The following HSPA4L variants were observed in gnomAD, a reference collection of about 807,000 sequenced individuals.
HSPA4L encodes heat shock 70 kDa protein 4L.
In HSPA4L, 48 loss-of-function variants were observed where a neutral mutation model predicts 100.3. The ratio of observed to expected loss-of-function variants is 0.48; its 90% CI spans 0.38 to 0.61. The LOEUF (loss-of-function observed/expected upper bound fraction) is 0.61. HSPA4L is among the 20% of genes least tolerant of loss of function. The pLI is 0.00. For missense variants in HSPA4L, 886 were observed against 988.6 expected, an observed-to-expected ratio of 0.90 and a Z score of 1.39; for synonymous variants, 319 against 328.2, an observed-to-expected ratio of 0.97 and a Z score of 0.30.
intron 16 of HSPA4L, among the ~76,000 whole-genome samples, chr4:127,824,167 C>T (rs1038991688): frequency 2.0e-5 from 3 of 152,152 alleles, no homozygotes; most frequent in Non-Finnish European, 4.4e-5. Context: ...TCTCAAATGA[C>T]AGGATTTACT....
At chr4:127,822,620 A>G (rs1298770693) in intron 14 of HSPA4L, 149 bp from the exon 15 acceptor site, 4 of 714,840 alleles carry the variant, frequency 5.6e-6, no homozygotes, top group Admixed American at 3.2e-5. Context: ...TCAGCAATGT[A>G]CAAGGGTTTC....
At chr4:127,788,323 A>G (rs1471973278) in intron 1 of HSPA4L, among the ~76,000 whole-genome samples, 1 of 152,210 alleles carries the variant, frequency 6.6e-6, no homozygotes, top group African/African-American at 2.4e-5. Context: ...AAGCTTTGTT[A>G]TTACTAAATC....
chr4:127,809,524 A>G, intron 11 of HSPA4L: 1 of 838,064 alleles, frequency 1.2e-6, no homozygotes, highest in Non-Finnish European at 2.1e-6. Flanking sequence ...TCAAATGCCA[A>G]AGCTACTGTC....
rs1012776673 is a variant in HSPA4L, at chr4:127,803,827, A to G, written c.862A>G (p.Ile288Val). ...AAATGCATCAGATCTTCCATTGAAC[A>G]TTGAGTGTTTCATGAATGACCTTGA... ...SANASDLPLN[I>V]ECFMNDLDVS... The change falls in exon 7 of 19, where the codon ATT becomes GTT. Residue 288 changes from isoleucine (I) to valine (V), a missense_variant. Coordinates refer to ENST00000296464, the MANE Select transcript of HSPA4L (RefSeq NM_014278.4). 3.1e-6 allele frequency: 5 copies of G among 1,613,842 alleles called. No homozygotes were observed. In the African/African-American group the frequency reaches 4.0e-5, roughly 13 times the overall value.
rs1279318895 is a variant in HSPA4L, at chr4:127,813,399, A to T, written c.1578+1763A>T. 8 of 499,826 alleles carry T rather than the reference A, an allele frequency of 1.6e-5. No homozygotes were observed. The South Asian group carries it at 2.5e-4, about 16-fold the overall frequency. 31.0% of individuals were successfully genotyped at this position (499,826 alleles called of 1,614,324 possible). A position where few individuals can be genotyped will look rare whatever the true frequency, so the allele number is the denominator to read the frequency against. On this transcript the variant is annotated intron_variant, in intron 12 of 18. Transcript: ENST00000296464. ...TTAAGGACTGTGGCTTTTTCTTTCA[A>T]TCTTTCCATGTATCATTTTGTAATC...
Position 127,809,280 on chromosome 4 carries a change from C to G in HSPA4L, c.1378+1151C>G, listed in dbSNP as rs150859286. ...GCAGAACCAGTCTTCAACAAATCATCCTGGAGCTAGCATTGCACTCTCGAG... is the reference window on the plus strand; with the variant it reads ...GCAGAACCAGTCTTCAACAAATCATGCTGGAGCTAGCATTGCACTCTCGAG... On this transcript the variant is annotated intron_variant, in intron 11 of 18. Transcript: ENST00000296464. 888 of 1,352,996 alleles carry G rather than the reference C, an allele frequency of 6.6e-4. 5 individuals are homozygous for G. The Middle Eastern group carries it at 8.5e-3, about 13-fold the overall frequency. The allele number at this position is 1,352,996 out of a possible 1,614,324, so 83.8% of individuals were successfully genotyped here.
At position 127,832,741 on chromosome 4, in the gene HSPA4L, C is replaced by T. The variant is rs1013879626; in HGVS notation, c.2387C>T (p.Pro796Leu). 2 of 1,613,206 alleles carry T rather than the reference C, an allele frequency of 1.2e-6. No homozygotes were observed. Among genetic ancestry groups the T allele is most frequent in the Admixed American group, 3.3e-5 (2 of 59,942 alleles). The change falls in exon 19 of 19, where the codon CCT becomes CTT. Residue 796 changes from proline to leucine, a missense_variant. Transcript: ENST00000296464. ...AAGCCCAAACCAAAAGCAGAAGTTC[C>T]TGAAGACAAACCAAAAGCTAATAGT... The part of the protein sequence containing the change: ...IYKPKPKAEV[P>L]EDKPKANSEH...
chr4:127,805,775 C>G lies in HSPA4L; in HGVS notation c.1226C>G (p.Ser409Cys), dbSNP rs1190377514. The G allele has an allele frequency of 1.2e-6, 2 of 1,607,432 alleles. No individual in the cohort carries two copies. Among genetic ancestry groups the G allele is most frequent in the African/African-American group, 1.3e-5 (1 of 74,766 alleles). Residue 409 changes from serine to cysteine, a missense_variant, in exon 10 of 19, where the codon TCT becomes TGT. By Grantham distance (112) the Ser-to-Cys change is moderately radical (BLOSUM62 -1). Coordinates refer to ENST00000296464, the MANE Select transcript of HSPA4L (RefSeq NM_014278.4). ...TCAATCACATTAAGGTGGAAGACCT[C>G]TTTTGAAGATGGAAGTGGGTAAGTT... is the stretch of plus-strand genomic sequence containing the variant. ...PYSITLRWKTSFEDGSGECEV... is the reference protein window; with the variant it reads ...PYSITLRWKTCFEDGSGECEV...
At chr4:127,830,312 G>A (rs1463295994) in intron 17 of HSPA4L, among the ~76,000 whole-genome samples, 2 of 152,052 alleles carry the variant, frequency 1.3e-5, no homozygotes, top group Non-Finnish European at 2.9e-5. Context: ...TTTGCTATAT[G>A]CCTTGTTCAC....
intron 13 of HSPA4L, 68 bp from the exon 14 acceptor site, chr4:127,820,360 C>CT (rs774661518): frequency 7.6e-7 from 1 of 1,320,562 alleles, no homozygotes; most frequent in Non-Finnish European, 1.0e-6. Flanking sequence ...ATTTTACTTT[C>CT]TGTTTTACCT....
rs1734220856 is a variant in HSPA4L at position 127,836,724 on chromosome 4, T to G, written c.*3850T>G. 6.6e-6 allele frequency: 1 copy of G among 152,096 alleles called. No individual in the cohort carries two copies. The highest frequency in any genetic ancestry group is 1.5e-5 in the Non-Finnish European group (1 of 68,028). 9.4% of individuals were successfully genotyped at this position (152,096 alleles called of 1,614,324 possible). On this transcript the variant is annotated 3_prime_UTR_variant, in exon 19 of 19. Transcript: ENST00000296464. The stretch of plus-strand genomic sequence containing the variant: ...GAATATAGTAATCAAATTAACTGAT[T>G]TTGTTTTCACCCTAAATACATACAA...
chr4:127,816,550 C>A (rs946978151), intron 12 of HSPA4L, among the ~76,000 whole-genome samples: 3 of 151,864 alleles, frequency 2.0e-5, no homozygotes, highest in Admixed American at 6.6e-5. Context: ...GTGAACAAAC[C>A]ATTTAAGGAG....
chr4:127,788,114 T>A (rs979756673), intron 1 of HSPA4L, among the ~76,000 whole-genome samples: 2 of 152,062 alleles, frequency 1.3e-5, no homozygotes, highest in African/African-American at 4.8e-5. Context: ...AGTTAAATAA[T>A]GTATCAAATT....
In HSPA4L at chr4:127,833,626, C is replaced by CT. The variant is rs893670422; in HGVS notation, c.*753dup. On this transcript the variant is annotated 3_prime_UTR_variant, in exon 19 of 19. Transcript: ENST00000296464. ...TGCTAGCCTAAAGATACAGGAGTCT[C>CT]TGACAAAATGACTTTCATGTTAAGG... is the stretch of plus-strand genomic sequence containing the variant. 4.6e-5 allele frequency: 7 copies of CT among 152,186 alleles called. No individual in the cohort carries two copies. The highest frequency in any genetic ancestry group is 9.6e-5 in the African/African-American group (4 of 41,460). 9.4% of individuals were successfully genotyped at this position (152,186 alleles called of 1,614,324 possible). A position where few individuals can be genotyped will look rare whatever the true frequency, so the allele number is the denominator to read the frequency against.
chr4:127,805,926 A>G, intron 10 of HSPA4L, 133 bp downstream of exon 10: 1 of 506,596 alleles, frequency 2.0e-6, no homozygotes, highest in South Asian at 4.0e-5. Context: ...TTAAAGAGAT[A>G]TAAAAATGAT....
chr4:127,831,144 G>A lies in HSPA4L; in HGVS notation c.2328+345G>A, dbSNP rs369280307. Reference sequence around the variant, plus strand: ...GTCTGTCTTTGACCTAGTTTGAAGCGTATAAACTTCCATGGTAAAATCTTA... The same window carrying A: ...GTCTGTCTTTGACCTAGTTTGAAGCATATAAACTTCCATGGTAAAATCTTA... On this transcript the variant is annotated intron_variant, in intron 18 of 18. Transcript: ENST00000296464. Among the ~76,000 whole-genome samples, 263 of 152,116 alleles carry A rather than the reference G, an allele frequency of 1.7e-3. 6 individuals are homozygous for A. In the South Asian group the frequency reaches 0.053, roughly 31 times the overall value.
chr4:127,821,031 G>GCT (rs1733797166), intron 14 of HSPA4L, among the ~76,000 whole-genome samples: 1 of 151,968 alleles, frequency 6.6e-6, no homozygotes, highest in Admixed American at 6.6e-5. Flanking sequence ...ACAGTCTCTA[G>GCT]AGGAAACGAG....
intron 15 of HSPA4L, 140 bp from the exon 16 acceptor site, chr4:127,823,377 G>A (rs1426797364): frequency 1.2e-5 from 7 of 596,324 alleles, no homozygotes; most frequent in African/African-American, 1.9e-5. Context: ...TCTTAGTTCT[G>A]GGCTCAAGCG....
chr4:127,791,270 T>C (rs1376162069), intron 1 of HSPA4L, among the ~76,000 whole-genome samples: 2 of 152,242 alleles, frequency 1.3e-5, no homozygotes, highest in African/African-American at 4.8e-5. Flanking sequence ...GGAGCACAGA[T>C]GTCCAACCAT....
Sources: allele counts gnomAD v4.1 joint callset (sites outside exome capture counted in the v4.1 genomes callset), GRCh38; gene constraint gnomAD v4.1.1; transcripts MANE v1.5; gene names NCBI Gene and HGNC (gene_info 2026-07-23, HGNC 2026-07-21).